Variants in ITGA11 observed in about 807,000 individuals in gnomAD.
The protein encoded by ITGA11 is integrin subunit alpha 11, also known as integrin alpha-11.
A neutral mutation model predicts 141.9 loss-of-function variants in ITGA11; 97 were observed. The observed-to-expected ratio is 0.68, with a 90% CI of 0.58 to 0.81. ITGA11 has a LOEUF of 0.81. Among genes scored for constraint, ITGA11 ranks in the 30% least tolerant of loss-of-function variants. The pLI is 0.00. For synonymous variants in ITGA11, 658 were observed against 624.6 expected (o/e 1.05, Z -0.80); for missense variants, 1,387 against 1,559.2 (o/e 0.89, Z 1.86).
chr15:68,364,884 G>T, intron 3 of ITGA11, 86 bp from the exon 4 acceptor site: 2 of 1,302,890 alleles, frequency 1.5e-6, no homozygotes, highest in Non-Finnish European at 2.2e-6. Context: ...CACCCGAGGT[G>T]CCTCCCCGAT....
chr15:68,404,979 C>A (rs1896608298), intron 1 of ITGA11, among the ~76,000 whole-genome samples: 1 of 152,148 alleles, frequency 6.6e-6, no homozygotes, highest in Non-Finnish European at 1.5e-5. Context: ...GCTGACCTTC[C>A]CAAGGACCCA....
chr15:68,320,882 T>A (rs763140418), intron 19 of ITGA11, among the ~76,000 whole-genome samples: 1 of 152,240 alleles, frequency 6.6e-6, no homozygotes, highest in Non-Finnish European at 1.5e-5. Context: ...AAGTTGAGCA[T>A]AAATTATTGG....
intron 1 of ITGA11, among the ~76,000 whole-genome samples, chr15:68,408,551 G>A (rs760003522): frequency 2.6e-5 from 4 of 152,086 alleles, no homozygotes; most frequent in Non-Finnish European, 5.9e-5. Context: ...CTCACGGGAA[G>A]CACGTGGAGT....
chr15:68,339,546 G>A lies in ITGA11; in HGVS notation c.1230C>T (p.Tyr410=), dbSNP rs1472560657. 1 of 1,613,956 alleles carries A rather than the reference G, an allele frequency of 6.2e-7. No homozygotes were observed. The highest frequency in any genetic ancestry group is 2.2e-5 in the East Asian group (1 of 44,874). The change falls in exon 11 of 30, where the codon TAC becomes TAT. Residue 410 remains tyrosine, a synonymous_variant. Coordinates refer to ENST00000315757, the MANE Select transcript of ITGA11 (RefSeq NM_001004439.2). ...AGKVIPLRES[Y]LKEFPEELKN... Reference sequence around the variant, plus strand: ...TGAGCTCCTCGGGGAACTCTTTCAGGTAGGACTCGCGGAGAGGAATGACCT... The same window carrying A: ...TGAGCTCCTCGGGGAACTCTTTCAGATAGGACTCGCGGAGAGGAATGACCT...
intron 1 of ITGA11, among the ~76,000 whole-genome samples, chr15:68,403,598 C>G (rs1437810533): frequency 1.4e-5 from 2 of 148,010 alleles, no homozygotes; most frequent in African/African-American, 5.1e-5. Context: ...GAACTGTGAG[C>G]CAAAATAAAC....
intron 2 of ITGA11, among the ~76,000 whole-genome samples, chr15:68,389,655 A>G (rs2140388806): frequency 6.6e-6 from 1 of 152,306 alleles, no homozygotes; most frequent in East Asian, 1.9e-4. Flanking sequence ...GGAATTCACC[A>G]TGGTCTCTTG....
intron 2 of ITGA11, among the ~76,000 whole-genome samples, chr15:68,374,191 G>T (rs1895669190): frequency 6.6e-6 from 1 of 152,152 alleles, no homozygotes; most frequent in Non-Finnish European, 1.5e-5. Flanking sequence ...GTAAGTGGTG[G>T]GTGGAATCAC....
At chr15:68,350,352 T>C (rs1567139809) in intron 9 of ITGA11, among the ~76,000 whole-genome samples, 1 of 146,094 alleles carries the variant, frequency 6.8e-6, no homozygotes, top group African/African-American at 2.8e-5. Context: ...ACCTAGCTAA[T>C]TTTTGTAATT....
chr15:68,325,306 T>C lies in ITGA11; in HGVS notation c.2212-65A>G. ...AACGTCATTTTATGAGCCAGGACCG[T>C]GGATGCTGAGATAGAACTTCCACCT... On this transcript the variant is annotated intron_variant, in intron 17 of 29. Transcript: ENST00000315757. This position sits in a 1 kb window ranked among gnomAD's most constrained non-coding sequence, Gnocchi z 5.5. 8.9e-7 allele frequency: 1 copy of C among 1,117,862 alleles called. No individual in the cohort carries two copies. The highest frequency in any genetic ancestry group is 1.9e-4 in the Middle Eastern group (1 of 5,146). 69.2% of individuals were successfully genotyped at this position (1,117,862 alleles called of 1,614,324 possible). A position where few individuals can be genotyped will look rare whatever the true frequency, so the allele number is the denominator to read the frequency against.
chr15:68,413,842 G>A (rs1566943155), intron 1 of ITGA11, among the ~76,000 whole-genome samples: 1 of 152,224 alleles, frequency 6.6e-6, no homozygotes, highest in South Asian at 2.1e-4. Flanking sequence ...CCGGAGCCAT[G>A]CGCATTTAGG....
At chr15:68,403,944 G>C (rs1896574170) in intron 1 of ITGA11, among the ~76,000 whole-genome samples, 1 of 152,108 alleles carries the variant, frequency 6.6e-6, no homozygotes, top group African/African-American at 2.4e-5. Context: ...GGATAGGGGG[G>C]ACATAAAACC....
At chr15:68,421,720 A>AG (rs1182642702) in intron 1 of ITGA11, among the ~76,000 whole-genome samples, 2 of 50,254 alleles carry the variant, frequency 4.0e-5, no homozygotes, top group Non-Finnish European at 9.1e-5. Flanking sequence ...GGTGGGGGTG[A>AG]GGGGCTGGGT....
intron 10 of ITGA11, 38 bp downstream of exon 10, chr15:68,348,792 C>G (rs779183012): frequency 8.3e-6 from 13 of 1,566,348 alleles, no homozygotes; most frequent in Non-Finnish European, 1.0e-5. Context: ...CCTCGAGAGA[C>G]AGAGGCTGGG....
At chr15:68,331,777 C>T in intron 14 of ITGA11, 82 bp downstream of exon 14, 1 of 1,202,330 alleles carries the variant, frequency 8.3e-7, no homozygotes, top group Non-Finnish European at 1.2e-6. Flanking sequence ...AATCCTGAAC[C>T]AGATGAGGCA....
intron 1 of ITGA11, among the ~76,000 whole-genome samples, chr15:68,415,549 C>T (rs1269760557): frequency 6.6e-6 from 1 of 152,316 alleles, no homozygotes; most frequent in East Asian, 1.9e-4. Context: ...GGAAACAGCA[C>T]GTCCCCAGTC....
chr15:68,353,366 A>C (rs1029406803), intron 7 of ITGA11, among the ~76,000 whole-genome samples: 2 of 152,206 alleles, frequency 1.3e-5, no homozygotes, highest in African/African-American at 4.8e-5. Flanking sequence ...TGACGAGAGC[A>C]GGTTTCGAGC....
chr15:68,303,264 C>A lies in ITGA11; in HGVS notation c.3496-134G>T, dbSNP rs1893087542. 7 of 731,508 alleles carry A rather than the reference C, an allele frequency of 9.6e-6. No homozygotes were observed. Among genetic ancestry groups the A allele is most frequent in the Admixed American group, 2.6e-5 (1 of 38,192 alleles). The allele number at this position is 731,508 out of a possible 1,614,324, so 45.3% of individuals were successfully genotyped here. A position where few individuals can be genotyped will look rare whatever the true frequency, so the allele number is the denominator to read the frequency against. The stretch of plus-strand genomic sequence containing the variant: ...GAGTACCCCCAGCTCATTCTGAGCA[C>A]CCCCTCCTCCAGAACTGCCTCTGTG... On this transcript the variant is annotated intron_variant, in intron 29 of 29. Transcript: ENST00000315757. The surrounding 1 kb of genome is among the most constrained non-coding windows in gnomAD (Gnocchi z 5.3).
chr15:68,400,629 A>AT (rs1167756286), intron 2 of ITGA11, among the ~76,000 whole-genome samples: 8 of 80,160 alleles, frequency 1.0e-4, no homozygotes, highest in African/African-American at 3.9e-4. Flanking sequence ...ATTATATAAT[A>AT]AATATTATAA....
chr15:68,370,859 G>GT (rs1895567445), intron 2 of ITGA11, among the ~76,000 whole-genome samples: 1 of 152,206 alleles, frequency 6.6e-6, no homozygotes, highest in Non-Finnish European at 1.5e-5. Context: ...ATGGTTGGGA[G>GT]GAGGTGGCCG....
Sources: allele counts gnomAD v4.1 joint callset (sites outside exome capture counted in the v4.1 genomes callset), GRCh38; gene constraint gnomAD v4.1.1; non-coding constraint Gnocchi (gnomAD v3.1); transcripts MANE v1.5; gene names NCBI Gene and HGNC (gene_info 2026-07-23, HGNC 2026-07-21).